AGBL1: variants seen among roughly 807,000 people sequenced by gnomAD.
AGBL1 encodes AGBL carboxypeptidase 1.
AGBL1 carries 130 observed loss-of-function variants against 118.9 expected under a neutral mutation model. The ratio of observed to expected loss-of-function variants is 1.09; its 90% CI spans 0.95 to 1.26. AGBL1 has a LOEUF of 1.26. AGBL1 is among the 50% of genes most tolerant of loss of function. The probability of loss-of-function intolerance (pLI) is 0.00; values close to 1 mark genes in which losing one functional copy is unlikely to be tolerated. For missense variants in AGBL1, 1,584 were observed against 1,298.1 expected (o/e 1.22, Z -3.38); for synonymous variants, 555 against 478.9 (o/e 1.16, Z -2.08).
chr15:86,673,711 C>T lies in AGBL1; in HGVS notation c.2995-562C>T, dbSNP rs200943304. On this transcript the variant is annotated intron_variant, in intron 21 of 22. Transcript: ENST00000614907. Reference sequence around the variant, plus strand: ...ATTATCTGTTTCTTCATGAATTATACTATAGAGTACATGTCATGATTTTGC... The same window carrying T: ...ATTATCTGTTTCTTCATGAATTATATTATAGAGTACATGTCATGATTTTGC... Among the ~76,000 whole-genome samples, 10 of 152,208 alleles carry T rather than the reference C, an allele frequency of 6.6e-5. No individual in the cohort carries two copies. In the East Asian group the frequency reaches 1.9e-3, roughly 29 times the overall value.
intron 17 of AGBL1, among the ~76,000 whole-genome samples, chr15:86,330,581 A>G (rs905514411): frequency 6.6e-6 from 1 of 152,240 alleles, no homozygotes; most frequent in Non-Finnish European, 1.5e-5. Flanking sequence ...ATCTGAATGT[A>G]GTGATACCAC....
At chr15:86,084,645 G>T (rs1338908912) in intron 1 of AGBL1, among the ~76,000 whole-genome samples, 1 of 152,236 alleles carries the variant, frequency 6.6e-6, no homozygotes, top group Non-Finnish European at 1.5e-5. Flanking sequence ...AAACCTGAAG[G>T]TTGGGGCAAT....
chr15:86,655,366 C>G (rs985535577), intron 21 of AGBL1, among the ~76,000 whole-genome samples: 9 of 152,080 alleles, frequency 5.9e-5, no homozygotes, highest in African/African-American at 1.9e-4. Context: ...ATTTAACTAC[C>G]AATACACGCA....
chr15:86,746,167 G>A (rs1376675467), intron 22 of AGBL1, among the ~76,000 whole-genome samples: 4 of 151,956 alleles, frequency 2.6e-5, no homozygotes, highest in Middle Eastern at 3.2e-3. Context: ...AACACACCTG[G>A]TTATGTTTCG....
intron 22 of AGBL1, among the ~76,000 whole-genome samples, chr15:86,810,313 C>T (rs765669110): frequency 2.4e-4 from 37 of 152,120 alleles, no homozygotes; most frequent in Non-Finnish European, 4.9e-4. Flanking sequence ...CATTTAGCTA[C>T]AACGTGACCA....
intron 18 of AGBL1, among the ~76,000 whole-genome samples, chr15:86,448,685 G>A (rs1481319179): frequency 7.6e-6 from 1 of 130,884 alleles, no homozygotes; most frequent in Non-Finnish European, 1.6e-5. Flanking sequence ...TTGAATGTGG[G>A]GGCAATCAGA....
At position 86,357,123 on chromosome 15, in the gene AGBL1, T is replaced by C. The variant is rs767510976; in HGVS notation, c.2375-40243T>C. ...AAGTAACTCAGTTGGAACATGATTG[T>C]TATCTTCACCTAACAGGGAGTCATG... On this transcript the variant is annotated intron_variant, in intron 17 of 22. Transcript: ENST00000614907. Among the ~76,000 whole-genome samples, 21 of 152,182 alleles carry C rather than the reference T, an allele frequency of 1.4e-4. 1 individual carries two copies. The highest frequency in any genetic ancestry group is 4.4e-5 in the Non-Finnish European group (3 of 68,028).
intron 18 of AGBL1, among the ~76,000 whole-genome samples, chr15:86,435,868 G>T (rs2081994690): frequency 6.6e-6 from 1 of 152,106 alleles, no homozygotes; most frequent in Admixed American, 6.6e-5. Flanking sequence ...TACATCTTCA[G>T]CTATTGTAAT....
intron 5 of AGBL1, 84 bp from the exon 6 acceptor site, chr15:86,224,830 C>A: frequency 7.5e-7 from 1 of 1,329,532 alleles, no homozygotes; most frequent in Non-Finnish European, 1.1e-6. Context: ...TATGGGGTGG[C>A]AATGGGCATG....
intron 24 of AGBL1, among the ~76,000 whole-genome samples, chr15:87,011,781 ATT>A (rs2081562968): frequency 6.6e-6 from 1 of 152,224 alleles, no homozygotes; most frequent in Non-Finnish European, 1.5e-5. Flanking sequence ...AACTTGCAAC[ATT>A]GGCTTAGCCA....
At chr15:86,949,174 A>T in intron 23 of AGBL1, among the ~76,000 whole-genome samples, 1 of 152,238 alleles carries the variant, frequency 6.6e-6, no homozygotes, top group East Asian at 1.9e-4. Flanking sequence ...AAAATAAAAA[A>T]ATAATGACCC....
intron 22 of AGBL1, among the ~76,000 whole-genome samples, chr15:86,746,393 C>A (rs950450584): frequency 6.6e-6 from 1 of 152,082 alleles, no homozygotes; most frequent in Non-Finnish European, 1.5e-5. Context: ...AAGTCCTGGT[C>A]ATTCCTGAGG....
chr15:86,364,998 C>CACAT (rs1555472717), intron 17 of AGBL1, among the ~76,000 whole-genome samples: 15 of 121,212 alleles, frequency 1.2e-4, no homozygotes, highest in African/African-American at 3.7e-4. Flanking sequence ...TACACACACA[C>CACAT]ATATATATAT....
intron 18 of AGBL1, among the ~76,000 whole-genome samples, chr15:86,437,807 C>T (rs1037803165): frequency 1.2e-4 from 18 of 152,250 alleles, no homozygotes; most frequent in African/African-American, 4.3e-4. Flanking sequence ...GAGCTCATGC[C>T]ATCTGAGGTC....
At chr15:86,892,312 C>T (rs1453454741) in intron 22 of AGBL1, among the ~76,000 whole-genome samples, 2 of 152,066 alleles carry the variant, frequency 1.3e-5, no homozygotes, top group East Asian at 1.9e-4. Flanking sequence ...ATTTCCATTA[C>T]TTTTTATGTG....
intron 22 of AGBL1, among the ~76,000 whole-genome samples, chr15:86,693,397 C>T (rs1385014196): frequency 6.6e-6 from 1 of 151,996 alleles, no homozygotes; most frequent in Non-Finnish European, 1.5e-5. Context: ...ATTTGTATAT[C>T]TTCTTGTGAG....
chr15:86,256,951 C>T lies in AGBL1; in HGVS notation c.834C>T (p.Ala278=). 1 of 1,613,942 alleles carries T rather than the reference C, an allele frequency of 6.2e-7. No homozygotes were observed. Among genetic ancestry groups the T allele is most frequent in the African/African-American group, 1.3e-5 (1 of 75,038 alleles). The change falls in exon 8 of 23, where the codon GCC becomes GCT. Residue 278 remains alanine (A), a synonymous_variant. Transcript: ENST00000614907. Reference sequence around the variant, plus strand: ...CGAGTCCACTTCCCTTGGTCACAGCCAGCAGTGCCTATGCCTTCCCGGTCC... The same window carrying T: ...CGAGTCCACTTCCCTTGGTCACAGCTAGCAGTGCCTATGCCTTCCCGGTCC... ...YPTSPLPLVT[A]SSAYAFPVPG...
At chr15:86,781,741 G>A (rs1222119383) in intron 22 of AGBL1, among the ~76,000 whole-genome samples, 1 of 152,146 alleles carries the variant, frequency 6.6e-6, no homozygotes, top group Non-Finnish European at 1.5e-5. Flanking sequence ...ATATAGTCAA[G>A]AGTAGTGGAG....
chr15:86,620,811 T>G (rs974170366), intron 21 of AGBL1, among the ~76,000 whole-genome samples: 7 of 143,096 alleles, frequency 4.9e-5, no homozygotes, highest in African/African-American at 8.1e-5. Flanking sequence ...TATTAGCTCC[T>G]TTTTTTTTTT....
Sources: allele counts gnomAD v4.1 joint callset (sites outside exome capture counted in the v4.1 genomes callset), GRCh38; gene constraint gnomAD v4.1.1; transcripts MANE v1.5; gene names NCBI Gene and HGNC (gene_info 2026-07-23, HGNC 2026-07-21).